PDPR: variants seen among roughly 807,000 people sequenced by gnomAD.
The protein encoded by PDPR is pyruvate dehydrogenase phosphatase regulatory subunit, mitochondrial.
A neutral mutation model predicts 102.2 loss-of-function variants in PDPR; 50 were observed. That is an observed-to-expected ratio of 0.49 (90% CI 0.39 to 0.62). PDPR has a LOEUF of 0.62. Ranked by LOEUF, PDPR falls within the 20% of genes least tolerant of loss-of-function variation. The pLI is 0.00. For synonymous variants in PDPR, 259 were observed against 406.0 expected (o/e 0.64, Z 4.35); for missense variants, 625 against 1,098.2 (o/e 0.57, Z 6.09).
chr16:70,128,661 A>G, intron 4 of PDPR, 123 bp from the exon 5 acceptor site: 7 of 1,555,828 alleles, frequency 4.5e-6, no homozygotes, highest in South Asian at 1.2e-5. Flanking sequence ...TACCTGCCCA[A>G]GGATATTGAG....
chr16:70,140,315 C>T (rs1471169328), intron 11 of PDPR, among the ~76,000 whole-genome samples: 1 of 152,214 alleles, frequency 6.6e-6, no homozygotes, highest in African/African-American at 2.4e-5. Context: ...TGTACTCCAG[C>T]CTGGGCAGTG....
At chr16:70,122,784 C>T (rs1210037318) in intron 3 of PDPR, among the ~76,000 whole-genome samples, 2 of 152,180 alleles carry the variant, frequency 1.3e-5, no homozygotes, top group African/African-American at 4.8e-5. Context: ...TTATAGTTGG[C>T]ATATTACTGT....
Position 70,138,992 on chromosome 16 carries a change from C to G in PDPR, c.1284C>G (p.Thr428=). 6.2e-7 allele frequency: 1 copy of G among 1,611,062 alleles called. No homozygotes were observed. Among genetic ancestry groups the G allele is most frequent in the Non-Finnish European group, 8.5e-7 (1 of 1,178,218 alleles). The change falls in exon 11 of 19, where the codon ACC becomes ACG. Residue 428 remains threonine (T), a synonymous_variant. Coordinates refer to ENST00000288050, the MANE Select transcript of PDPR (RefSeq NM_017990.5). ...TTGGAGCCCTCCAGAGCAGCCGCAC[C>G]TTTCTGCGCCACCGGGTCATGGAAG... ...KRFGALQSSR[T]FLRHRVMEVM...
intron 10 of PDPR, among the ~76,000 whole-genome samples, chr16:70,138,484 T>C (rs1173142056): frequency 2.6e-5 from 4 of 152,198 alleles, no homozygotes; most frequent in African/African-American, 7.2e-5. Flanking sequence ...CCCAAAGTGC[T>C]GGGATTACAG....
At chr16:70,125,552 CAAAAAA>C (rs1164711741) in intron 3 of PDPR, among the ~76,000 whole-genome samples, 13 of 106,840 alleles carry the variant, frequency 1.2e-4, no homozygotes, top group Admixed American at 6.3e-4. Flanking sequence ...AACTGCGTCT[CAAAAAA>C]AAAAAAAAAA....
Position 70,127,379 on chromosome 16 carries a change from CAG to C in PDPR, c.348_349del (p.Gly117AspfsTer38). The C allele has an allele frequency of 6.2e-7, 1 of 1,610,340 alleles. No homozygotes were observed. The highest frequency in any genetic ancestry group is 8.5e-7 in the Non-Finnish European group (1 of 1,178,396). On this transcript the variant is annotated frameshift_variant, in exon 4 of 19. Coordinates refer to ENST00000288050, the MANE Select transcript of PDPR (RefSeq NM_017990.5). LOFTEE classifies it high-confidence loss of function. ...CTCTACTATCAGTTAGAGCAAGAAA[CAG>C]GGATCCAAACAGGTAAGCAAGTGTC...
intron 18 of PDPR, among the ~76,000 whole-genome samples, chr16:70,155,438 A>C (rs1389943989): frequency 6.6e-6 from 1 of 152,196 alleles, no homozygotes; most frequent in African/African-American, 2.4e-5. Context: ...CTAATTTTGT[A>C]TTTTTTGTCT....
chr16:70,134,803 T>A (rs1188037535), intron 9 of PDPR, among the ~76,000 whole-genome samples: 363 of 144,728 alleles, frequency 2.5e-3, no homozygotes, highest in African/African-American at 8.0e-3. Context: ...AAAAAAATAA[T>A]AATAATAATA....
intron 3 of PDPR, among the ~76,000 whole-genome samples, chr16:70,121,028 A>T (rs1036511582): frequency 1.4e-5 from 2 of 143,552 alleles, no homozygotes; most frequent in African/African-American, 5.2e-5. Flanking sequence ...GGCCTCAAGC[A>T]GTCCTCCCAC....
chr16:70,139,574 C>T (rs1408917190), intron 11 of PDPR, among the ~76,000 whole-genome samples: 1 of 152,278 alleles, frequency 6.6e-6, no homozygotes, highest in Non-Finnish European at 1.5e-5. Context: ...AAATACAAAA[C>T]ATACATTCCT....
intron 15 of PDPR, among the ~76,000 whole-genome samples, chr16:70,144,863 G>A (rs1349649702): frequency 6.6e-6 from 1 of 152,206 alleles, no homozygotes; most frequent in African/African-American, 2.4e-5. Context: ...GCTGAGGCAG[G>A]AGAATCACTT....
chr16:70,153,614 G>A lies in PDPR; in HGVS notation c.2235+41G>A, dbSNP rs370789985. 4.8e-5 allele frequency: 74 copies of A among 1,541,418 alleles called. No individual in the cohort carries two copies. The African/African-American group carries it at 8.3e-4, about 17-fold the overall frequency. ...AGACTCCACTTTCACTCAGCATCCC[G>A]AGTAGTGAATCTGCACTAGACTAGG... On this transcript the variant is annotated intron_variant, in intron 18 of 18. Transcript: ENST00000288050.
At chr16:70,125,337 T>C (rs1332077001) in intron 3 of PDPR, among the ~76,000 whole-genome samples, 2 of 152,088 alleles carry the variant, frequency 1.3e-5, no homozygotes, top group Admixed American at 6.6e-5. Context: ...GATTGTGCCA[T>C]TGCACTCCAA....
intron 18 of PDPR, among the ~76,000 whole-genome samples, chr16:70,154,285 A>T (rs1597383228): frequency 6.6e-6 from 1 of 152,334 alleles, no homozygotes; most frequent in East Asian, 1.9e-4. Flanking sequence ...CCAAAATCGC[A>T]CCACTGCACT....
At chr16:70,114,526 C>T (rs1052289561) in intron 1 of PDPR, 86 bp downstream of exon 1, 15 of 152,326 alleles carry the variant, frequency 9.8e-5, no homozygotes, top group African/African-American at 3.4e-4. Context: ...CCTCTTTCTC[C>T]TTTGGTTTCG....
At chr16:70,146,367 C>T in intron 16 of PDPR, 139 bp downstream of exon 16, 2 of 1,333,080 alleles carry the variant, frequency 1.5e-6, no homozygotes, top group African/African-American at 1.5e-5. Flanking sequence ...GCCTGTAATC[C>T]TAGCACTTTG....
chr16:70,145,822 G>T (rs1389347031), intron 15 of PDPR: 12 of 479,440 alleles, frequency 2.5e-5, no homozygotes, highest in Non-Finnish European at 4.3e-5. Context: ...TGGTTGGGCA[G>T]ATCTCCACCG....
chr16:70,143,202 A>C (rs1172178799), intron 13 of PDPR, among the ~76,000 whole-genome samples: 2 of 152,248 alleles, frequency 1.3e-5, no homozygotes, highest in South Asian at 4.1e-4. Flanking sequence ...AAAAAAACAA[A>C]AAACAAAAAC....
intron 4 of PDPR, 59 bp from the exon 5 acceptor site, chr16:70,128,725 C>T (rs1303689811): frequency 6.2e-7 from 1 of 1,612,778 alleles, no homozygotes; most frequent in Non-Finnish European, 8.5e-7. Context: ...AGTGGATTTT[C>T]CACTCTCCTG....
Sources: gnomAD v4.1 joint callset for allele counts (sites outside exome capture counted in the v4.1 genomes callset) on GRCh38, gnomAD v4.1.1 for gene constraint, MANE v1.5 for transcripts, NCBI Gene and HGNC (gene_info 2026-07-23, HGNC 2026-07-21) for gene names.